OTOF: variants seen among roughly 807,000 people sequenced by gnomAD.
OTOF encodes otoferlin, also known as fer-1-like family member 2.
A neutral mutation model predicts 236.8 loss-of-function variants in OTOF; 218 were observed. That is an observed-to-expected ratio of 0.92 (90% confidence interval 0.82 to 1.03). The LOEUF is 1.03. OTOF is among the 50% of genes least tolerant of loss of function. OTOF has a pLI of 0.00. For synonymous variants in OTOF, 1,041 were observed against 1,072.5 expected (o/e 0.97, Z 0.57); for missense variants, 2,590 against 2,694.4 (o/e 0.96, Z 0.86).
At chr2:26,528,226 G>A (rs749736864) in intron 2 of OTOF, among the ~76,000 whole-genome samples, 6 of 152,232 alleles carry the variant, frequency 3.9e-5, no homozygotes, top group African/African-American at 9.6e-5. Context: ...CCTACACAGC[G>A]CTGCTTCCAT....
At chr2:26,541,191 C>A (rs1667205186) in intron 1 of OTOF, among the ~76,000 whole-genome samples, 1 of 152,168 alleles carries the variant, frequency 6.6e-6, no homozygotes. Context: ...GGCCCTGCTC[C>A]AAGGTGGTGT....
At chr2:26,484,379 G>C (rs760128492) in intron 12 of OTOF, 95 bp downstream of exon 12, 40 of 1,304,182 alleles carry the variant, frequency 3.1e-5, no homozygotes, top group Non-Finnish European at 4.3e-5. Flanking sequence ...TGAGGGAGAC[G>C]GGTGGCAGGT....
At chr2:26,505,888 T>A (rs1346788383) in intron 5 of OTOF, among the ~76,000 whole-genome samples, 1 of 152,206 alleles carries the variant, frequency 6.6e-6, no homozygotes, top group Non-Finnish European at 1.5e-5. Context: ...ATCATACCCA[T>A]GTTTACAAAG....
chr2:26,488,815 G>A (rs1031365888), intron 11 of OTOF, among the ~76,000 whole-genome samples: 7 of 152,226 alleles, frequency 4.6e-5, no homozygotes, highest in Non-Finnish European at 8.8e-5. Context: ...GCCAGCCCAG[G>A]AGGCAGGAGT....
intron 31 of OTOF, 43 bp downstream of exon 31, chr2:26,471,078 G>A (rs368249179): frequency 1.2e-6 from 2 of 1,611,048 alleles, no homozygotes; most frequent in East Asian, 2.2e-5. Context: ...TGCCAATAAA[G>A]GACCCTCTCA....
At chr2:26,481,471 A>G (rs973405597) in intron 14 of OTOF, among the ~76,000 whole-genome samples, 4 of 152,144 alleles carry the variant, frequency 2.6e-5, no homozygotes, top group Non-Finnish European at 4.4e-5. Flanking sequence ...CCCAATTCCT[A>G]GGCACAAGTC....
intron 3 of OTOF, among the ~76,000 whole-genome samples, chr2:26,522,811 G>T (rs1235815124): frequency 1.3e-5 from 2 of 152,192 alleles, no homozygotes; most frequent in East Asian, 1.9e-4. Context: ...CCCTGGGGCT[G>T]TCAGGCAAAG....
chr2:26,542,821 G>A (rs1419700221), intron 1 of OTOF, among the ~76,000 whole-genome samples: 4 of 152,178 alleles, frequency 2.6e-5, no homozygotes, highest in Non-Finnish European at 4.4e-5. Context: ...GAGGTGGTGG[G>A]CCATCCGAAG....
intron 1 of OTOF, among the ~76,000 whole-genome samples, chr2:26,538,344 G>T (rs954601603): frequency 8.5e-5 from 13 of 152,240 alleles, no homozygotes; most frequent in Non-Finnish European, 1.8e-4. Context: ...CACTGTCATG[G>T]TTGTCCGTCT....
At chr2:26,535,277 G>C (rs914840462) in intron 2 of OTOF, among the ~76,000 whole-genome samples, 1 of 152,184 alleles carries the variant, frequency 6.6e-6, no homozygotes, top group Non-Finnish European at 1.5e-5. Flanking sequence ...TGGCTTGGCC[G>C]CTTCCAGCTC....
At position 26,516,737 on chromosome 2, in the gene OTOF, C is replaced by T. The variant is rs1388083037; in HGVS notation, c.328-138G>A. 35 of 873,392 alleles carry T rather than the reference C, an allele frequency of 4.0e-5. No individual in the cohort carries two copies. The South Asian group carries it at 4.8e-4, about 12-fold the overall frequency. The allele number at this position is 873,392 out of a possible 1,614,324, so 54.1% of individuals were successfully genotyped here. On this transcript the variant is annotated intron_variant, in intron 4 of 46. Transcript: ENST00000272371. ...GAGGAGGTCAGGATGGTATGATCCC[C>T]TCTGCCCCATTTTGCTGATGAGAAA...
Position 26,468,471 on chromosome 2 carries a change from G to C in OTOF, c.4027C>G (p.Leu1343Val). 1 of 1,613,862 alleles carries C rather than the reference G, an allele frequency of 6.2e-7. No individual in the cohort carries two copies. Among genetic ancestry groups the C allele is most frequent in the Non-Finnish European group, 8.5e-7 (1 of 1,179,770 alleles). Residue 1343 changes from leucine to valine, a missense_variant, in exon 33 of 47, where the codon CTT (leucine) becomes GTT (valine). Physicochemically the swap from Leu to Val is conservative, Grantham distance 32. Coordinates refer to ENST00000272371, the MANE Select transcript of OTOF (RefSeq NM_194248.3). ...FASIDTMKEQ[L>V]RQQEPSGIDL... is the part of the protein sequence containing the mutation. ...ATTCCAGAGGGCTCTTGTTGTCGAA[G>C]TTGCTGCCAAAAGATGAGATGAAAA...
chr2:26,551,297 T>C (rs1359438409), intron 1 of OTOF, among the ~76,000 whole-genome samples: 1 of 152,236 alleles, frequency 6.6e-6, no homozygotes, highest in African/African-American at 2.4e-5. Context: ...AGCCCTTTCA[T>C]GGCCTTTGTT....
chr2:26,512,566 C>T (rs1243045455), intron 5 of OTOF, among the ~76,000 whole-genome samples: 1 of 152,204 alleles, frequency 6.6e-6, no homozygotes, highest in Non-Finnish European at 1.5e-5. Flanking sequence ...GGATTCATTA[C>T]ATCTCTGCAA....
rs869268313 is a variant in OTOF at position 26,477,950 on chromosome 2, ATG to A, written c.2215-203_2215-202del. 40 of 1,376,528 alleles carry A rather than the reference ATG, an allele frequency of 2.9e-5. No individual in the cohort carries two copies. In the African/African-American group the frequency reaches 4.8e-4, roughly 16 times the overall value. 85.3% of individuals were successfully genotyped at this position (1,376,528 alleles called of 1,614,324 possible). Reference sequence around the variant, plus strand: ...TCAGAACCTGGAGATGTTGGTGTTCATGGGGGTTCTTCAGTTCCTGAAGGAAG... The same window carrying A: ...TCAGAACCTGGAGATGTTGGTGTTCAGGGGTTCTTCAGTTCCTGAAGGAAG... On this transcript the variant is annotated intron_variant, in intron 18 of 46. Coordinates refer to ENST00000272371, the MANE Select transcript of OTOF (RefSeq NM_194248.3). This position sits in a 1 kb window ranked among gnomAD's most constrained non-coding sequence, Gnocchi z 4.7.
At chr2:26,541,904 T>G (rs1475099979) in intron 1 of OTOF, among the ~76,000 whole-genome samples, 1 of 152,188 alleles carries the variant, frequency 6.6e-6, no homozygotes, top group East Asian at 1.9e-4. Context: ...TCCTCCTTCC[T>G]TCTGAGGCAG....
At chr2:26,521,288 G>A (rs772816877) in intron 3 of OTOF, among the ~76,000 whole-genome samples, 54 of 152,172 alleles carry the variant, frequency 3.5e-4, no homozygotes, top group Non-Finnish European at 3.4e-4. Context: ...AGCGTGGGGC[G>A]ATCAGGCACA....
chr2:26,471,269 C>T (rs2148036967), intron 30 of OTOF, 119 bp from the exon 31 acceptor site: 1 of 1,212,928 alleles, frequency 8.2e-7, no homozygotes, highest in East Asian at 2.4e-5. Flanking sequence ...TGCTGGCAGC[C>T]CCTGTGCCCG....
chr2:26,479,318 G>T lies in OTOF; in HGVS notation c.2160C>A (p.Asp720Glu), dbSNP rs1326860643. ...PCIYIKSWWP[D>E]QRRRLYNANI... ...TGGCATTGTAGAGGCGGCGGCGCTG[G>T]TCCGGCCACCAGCTCTTGATGTAGA... Residue 720 changes from aspartate to glutamate, a missense_variant, in exon 18 of 47, where the codon GAC becomes GAA. Asp to Glu is a conservative substitution (Grantham distance 45). This residue lies in a region of OTOF where 1,379 missense variants were observed against 1,341.6 expected (regional missense o/e 1.03). Coordinates refer to ENST00000272371, the MANE Select transcript of OTOF (RefSeq NM_194248.3). 6.2e-7 allele frequency: 1 copy of T among 1,612,388 alleles called. No individual in the cohort carries two copies. The highest frequency in any genetic ancestry group is 1.7e-5 in the Admixed American group (1 of 59,932).
Sources: gnomAD v4.1 joint callset for allele counts (sites outside exome capture counted in the v4.1 genomes callset) on GRCh38, gnomAD v4.1.1 for gene constraint, gnomAD v4.1.1 regional missense constraint, Gnocchi (gnomAD v3.1) non-coding constraint, MANE v1.5 for transcripts, NCBI Gene and HGNC (gene_info 2026-07-23, HGNC 2026-07-21) for gene names.